Variants in FTO observed in about 807,000 individuals in gnomAD.
FTO encodes the protein FTO alpha-ketoglutarate dependent dioxygenase.
A neutral mutation model predicts 63.9 loss-of-function variants in FTO; 47 were observed. The observed-to-expected ratio is 0.74, with a 90% confidence interval of 0.58 to 0.94. The LOEUF is 0.94. Among genes scored for constraint, FTO ranks in the 40% least tolerant of loss-of-function variants. The pLI is 0.00. For synonymous variants in FTO, 207 were observed against 224.4 expected, an observed-to-expected ratio of 0.92 and a Z score of 0.69; for missense variants, 562 against 618.1, an observed-to-expected ratio of 0.91 and a Z score of 0.96.
rs2084456154 is a variant in FTO, at chr16:54,016,666, G to A, written c.1364+82557G>A. Among the ~76,000 whole-genome samples the A allele has an allele frequency of 2.0e-5, 3 of 152,188 alleles. No individual in the cohort carries two copies. The South Asian group carries it at 6.2e-4, about 32-fold the overall frequency. On this transcript the variant is annotated intron_variant, in intron 8 of 8. Transcript: ENST00000471389. ...GCCCCGAAAGTAAGGCAGCTCTGCA[G>A]AACTAGTATTTGTGCCCAACGAAGT...
intron 7 of FTO, among the ~76,000 whole-genome samples, chr16:53,909,710 C>T (rs1431732110): frequency 6.6e-6 from 1 of 151,044 alleles, no homozygotes; most frequent in Non-Finnish European, 1.5e-5. Context: ...ATTACAGGTG[C>T]CCGCCACCAC....
At chr16:54,053,477 C>T (rs1243934302) in intron 8 of FTO, among the ~76,000 whole-genome samples, 1 of 152,188 alleles carries the variant, frequency 6.6e-6, no homozygotes, top group African/African-American at 2.4e-5. Context: ...AGCCGAACTG[C>T]TCTAAACCAC....
rs2086908201 is a variant in FTO, at chr16:54,112,263, C to G, written c.*348C>G. On this transcript the variant is annotated 3_prime_UTR_variant, in exon 9 of 9. Transcript: ENST00000471389. ...CCTCTTTCCCAAGCTTTTTCAGAGA[C>G]TCTGGAGTGGACCCAGCCCTCTGGG... 2.8e-6 allele frequency: 1 copy of G among 353,142 alleles called. No homozygotes were observed. The highest frequency in any genetic ancestry group is 2.4e-5 in the South Asian group (1 of 41,768). 21.9% of individuals were successfully genotyped at this position (353,142 alleles called of 1,614,324 possible).
chr16:53,867,385 A>C (rs2080350904), intron 4 of FTO, among the ~76,000 whole-genome samples: 1 of 152,190 alleles, frequency 6.6e-6, no homozygotes, highest in Non-Finnish European at 1.5e-5. Context: ...GAGATGGAAT[A>C]AGTGAAGGTA....
At chr16:53,794,401 A>G (rs774384439) in intron 1 of FTO, among the ~76,000 whole-genome samples, 2 of 152,210 alleles carry the variant, frequency 1.3e-5, no homozygotes, top group Non-Finnish European at 2.9e-5. Context: ...CTAACTAAAC[A>G]TAAAGGGCTA....
At chr16:53,749,148 T>C (rs1037696764) in intron 1 of FTO, among the ~76,000 whole-genome samples, 5 of 152,232 alleles carry the variant, frequency 3.3e-5, no homozygotes, top group African/African-American at 1.2e-4. Flanking sequence ...CTACTGATTT[T>C]TGTGTGTTGA....
intron 1 of FTO, among the ~76,000 whole-genome samples, chr16:53,719,643 T>TC (rs981492973): frequency 3.3e-5 from 5 of 151,622 alleles, no homozygotes; most frequent in Non-Finnish European, 7.4e-5. Context: ...TTTTTTTTTT[T>TC]TTTTTTTAAA....
intron 4 of FTO, among the ~76,000 whole-genome samples, chr16:53,846,670 C>T (rs76956812): frequency 6.6e-6 from 1 of 151,882 alleles, no homozygotes; most frequent in East Asian, 1.9e-4. Context: ...GGTGTGGTGG[C>T]ACGTGCCTGT....
At chr16:53,948,592 C>T (rs540215345) in intron 8 of FTO, among the ~76,000 whole-genome samples, 2 of 152,360 alleles carry the variant, frequency 1.3e-5, no homozygotes, top group South Asian at 4.1e-4. Context: ...AGCTGCTATC[C>T]AGCCTTGCGA....
At chr16:53,781,731 T>C (rs1464165316) in intron 1 of FTO, among the ~76,000 whole-genome samples, 1 of 152,232 alleles carries the variant, frequency 6.6e-6, no homozygotes, top group Non-Finnish European at 1.5e-5. Context: ...TTTGCTTTTG[T>C]CACTAACATG....
intron 8 of FTO, among the ~76,000 whole-genome samples, chr16:54,024,709 C>T (rs548512598): frequency 1.3e-5 from 2 of 152,258 alleles, no homozygotes; most frequent in South Asian, 4.2e-4. Context: ...CAATGCTTAA[C>T]TCATAGGTTA....
chr16:53,872,560 TG>T (rs1464861996), intron 4 of FTO, among the ~76,000 whole-genome samples: 3 of 152,240 alleles, frequency 2.0e-5, no homozygotes, highest in African/African-American at 7.2e-5. Context: ...CTCTTCTCCA[TG>T]GGATTATATC....
At position 53,790,079 on chromosome 16, in the gene FTO, G is replaced by A. The variant is rs891886775; in HGVS notation, c.46-20061G>A. Among the ~76,000 whole-genome samples the A allele has an allele frequency of 4.7e-5, 7 of 148,842 alleles. No homozygotes were observed. In the East Asian group the frequency reaches 5.9e-4, roughly 13 times the overall value. Reference sequence around the variant, plus strand: ...TACATATACATTTTGTAATATATACGTATATATTACTATATGTATTTTTAA... The same window carrying A: ...TACATATACATTTTGTAATATATACATATATATTACTATATGTATTTTTAA... On this transcript the variant is annotated intron_variant, in intron 1 of 8. Transcript: ENST00000471389.
At chr16:53,821,296 G>A (rs1381850670) in intron 2 of FTO, among the ~76,000 whole-genome samples, 3 of 152,158 alleles carry the variant, frequency 2.0e-5, no homozygotes, top group Non-Finnish European at 4.4e-5. Context: ...AGTACTGGAG[G>A]TGTTAAGACA....
chr16:54,107,617 G>A (rs1313524383), intron 8 of FTO, among the ~76,000 whole-genome samples: 2 of 151,880 alleles, frequency 1.3e-5, no homozygotes, highest in African/African-American at 2.4e-5. Context: ...GCATTCACTT[G>A]GCTAAGGCAA....
intron 8 of FTO, among the ~76,000 whole-genome samples, chr16:54,038,072 G>A (rs1411129252): frequency 6.6e-6 from 1 of 152,186 alleles, no homozygotes; most frequent in African/African-American, 2.4e-5. Flanking sequence ...GGGCACAGCT[G>A]GAACCTTTAT....
chr16:54,109,415 C>T (rs1458655806), intron 8 of FTO, among the ~76,000 whole-genome samples: 3 of 152,214 alleles, frequency 2.0e-5, no homozygotes, highest in African/African-American at 7.2e-5. Flanking sequence ...ACTGCAACCT[C>T]CGCCTCCTGG....
chr16:53,708,598 A>T (rs1170310579), intron 1 of FTO, among the ~76,000 whole-genome samples: 1 of 152,150 alleles, frequency 6.6e-6, no homozygotes, highest in Non-Finnish European at 1.5e-5. Context: ...AAACTGACAA[A>T]CTGTTTACTT....
At chr16:54,106,644 A>C (rs2086759399) in intron 8 of FTO, among the ~76,000 whole-genome samples, 1 of 138,820 alleles carries the variant, frequency 7.2e-6, no homozygotes, top group African/African-American at 2.6e-5. Flanking sequence ...TAAATTACAT[A>C]TAATAGTTAT....
Sources: gnomAD v4.1 joint callset for allele counts (sites outside exome capture counted in the v4.1 genomes callset) on GRCh38, gnomAD v4.1.1 for gene constraint, MANE v1.5 for transcripts, NCBI Gene and HGNC (gene_info 2026-07-23, HGNC 2026-07-21) for gene names.